Variants in THSD4 observed in about 807,000 individuals in gnomAD.
THSD4 encodes the protein thrombospondin type-1 domain-containing protein 4.
In THSD4, 69 loss-of-function variants were observed where a neutral mutation model predicts 119.0. The ratio of observed to expected loss-of-function variants is 0.58; its 90% CI spans 0.48 to 0.71. THSD4 has a LOEUF of 0.71. Ranked by LOEUF, THSD4 falls within the 30% of genes least tolerant of loss-of-function variation. The pLI, the probability that THSD4 is intolerant of heterozygous loss-of-function variation, is 0.00. For missense variants in THSD4, 1,393 were observed against 1,391.1 expected, an observed-to-expected ratio of 1.00 and a Z score of -0.02; for synonymous variants, 524 against 540.4, an observed-to-expected ratio of 0.97 and a Z score of 0.42.
chr15:71,714,707 G>A (rs770722024), intron 8 of THSD4, among the ~76,000 whole-genome samples: 12 of 151,152 alleles, frequency 7.9e-5, no homozygotes, highest in East Asian at 5.8e-4. Context: ...TTAGCCGAGC[G>A]TGGTGACGCA....
chr15:71,103,147 CTTT>C (rs34279644), intron 1 of THSD4, among the ~76,000 whole-genome samples: 5 of 141,008 alleles, frequency 3.5e-5, no homozygotes, highest in Admixed American at 7.1e-5. Context: ...AAAAAGAAGG[CTTT>C]TTTTTTTTTT....
At chr15:71,191,889 C>T (rs577838370) in intron 3 of THSD4, among the ~76,000 whole-genome samples, 2 of 67,838 alleles carry the variant, frequency 2.9e-5, no homozygotes, top group Non-Finnish European at 4.3e-5. Context: ...TATGCTTTGC[C>T]TTCTTCTTCT....
intron 6 of THSD4, among the ~76,000 whole-genome samples, chr15:71,268,351 TA>T (rs2044486947): frequency 3.9e-5 from 6 of 152,204 alleles, no homozygotes; most frequent in Admixed American, 3.9e-4. Context: ...TTCTCCTGAA[TA>T]ACTACTGGGT....
At chr15:71,689,484 A>G (rs1288872259) in intron 8 of THSD4, among the ~76,000 whole-genome samples, 1 of 152,208 alleles carries the variant, frequency 6.6e-6, no homozygotes, top group East Asian at 1.9e-4. Flanking sequence ...ATCATGTTGT[A>G]TAAAGCTGCC....
At chr15:71,315,434 A>G (rs946451972) in intron 6 of THSD4, among the ~76,000 whole-genome samples, 3 of 152,164 alleles carry the variant, frequency 2.0e-5, no homozygotes, top group African/African-American at 4.8e-5. Flanking sequence ...CAAAGCCTGC[A>G]TGACACTCCG....
chr15:71,654,066 G>A (rs1407998497), intron 7 of THSD4, among the ~76,000 whole-genome samples: 1 of 152,156 alleles, frequency 6.6e-6, no homozygotes, highest in Admixed American at 6.5e-5. Flanking sequence ...TGTTTGTGTT[G>A]CAACTACTTA....
At position 71,632,608 on chromosome 15, in the gene THSD4, T is replaced by G. The variant is rs1415707155; in HGVS notation, c.1153-27922T>G. 2.0e-5 allele frequency among the ~76,000 whole-genome samples: 3 copies of G among 152,268 alleles called. No individual in the cohort carries two copies. In the South Asian group the frequency reaches 6.2e-4, roughly 32 times the overall value. ...CTGTATGTTTTCAAGTCACTCTAAG[T>G]GTTGGTGGAGTGAACTCCCCTAACC... On this transcript the variant is annotated intron_variant, in intron 7 of 17. Coordinates refer to ENST00000261862, the MANE Select transcript of THSD4 (RefSeq NM_024817.3).
chr15:71,299,976 A>ATATAT (rs1555462048), intron 6 of THSD4, among the ~76,000 whole-genome samples: 153 of 48,282 alleles, frequency 3.2e-3, no homozygotes, highest in East Asian at 8.9e-3. Flanking sequence ...AAAAAAAAAA[A>ATATAT]ATATATATAT....
chr15:71,770,694 A>C (rs1188445878), intron 16 of THSD4, among the ~76,000 whole-genome samples: 1 of 152,206 alleles, frequency 6.6e-6, no homozygotes, highest in Non-Finnish European at 1.5e-5. Flanking sequence ...AGATAAGTGG[A>C]AGTAGGAACA....
chr15:71,408,633 C>T (rs761130400), intron 6 of THSD4, among the ~76,000 whole-genome samples: 1 of 152,128 alleles, frequency 6.6e-6, no homozygotes, highest in Non-Finnish European at 1.5e-5. Flanking sequence ...AGAAGGATCA[C>T]TTGAGACCAG....
chr15:71,704,748 A>G (rs2052362031), intron 8 of THSD4, among the ~76,000 whole-genome samples: 1 of 152,216 alleles, frequency 6.6e-6, no homozygotes, highest in Non-Finnish European at 1.5e-5. Flanking sequence ...TACAACCCCT[A>G]GCTACAATGA....
intron 6 of THSD4, among the ~76,000 whole-genome samples, chr15:71,302,482 T>G (rs573752193): frequency 6.6e-6 from 1 of 152,178 alleles, no homozygotes; most frequent in South Asian, 2.1e-4. Flanking sequence ...CGGCCCCATT[T>G]CTGCCTTGAT....
intron 6 of THSD4, among the ~76,000 whole-genome samples, chr15:71,382,124 T>A (rs915162518): frequency 1.3e-5 from 2 of 152,180 alleles, no homozygotes; most frequent in African/African-American, 2.4e-5. Context: ...TACAGAAGTT[T>A]ACATAGTTGT....
At chr15:71,157,780 A>G (rs2040794391) in intron 3 of THSD4, among the ~76,000 whole-genome samples, 1 of 148,152 alleles carries the variant, frequency 6.7e-6, no homozygotes, top group South Asian at 2.1e-4. Flanking sequence ...AATAACCTCC[A>G]GGTCCATCCA....
intron 6 of THSD4, among the ~76,000 whole-genome samples, chr15:71,324,708 G>A (rs550012509): frequency 1.3e-5 from 2 of 152,148 alleles, no homozygotes; most frequent in East Asian, 3.9e-4. Flanking sequence ...CCAATCATTG[G>A]CCTATGGACA....
chr15:71,588,801 G>C (rs149586444), intron 7 of THSD4, among the ~76,000 whole-genome samples: 3 of 152,280 alleles, frequency 2.0e-5, no homozygotes, highest in Non-Finnish European at 2.9e-5. Context: ...GAATACATGT[G>C]GGGGAGATAG....
intron 7 of THSD4, among the ~76,000 whole-genome samples, chr15:71,650,128 G>C (rs1340373308): frequency 6.6e-6 from 1 of 152,174 alleles, no homozygotes; most frequent in Non-Finnish European, 1.5e-5. Flanking sequence ...TCTAGCATGT[G>C]AGCCTAATCC....
intron 6 of THSD4, among the ~76,000 whole-genome samples, chr15:71,327,647 T>G (rs917110264): frequency 6.6e-6 from 1 of 151,578 alleles, no homozygotes; most frequent in Non-Finnish European, 1.5e-5. Flanking sequence ...CCCCACCCAC[T>G]GTGGAAAAAA....
chr15:71,502,038 T>C (rs1474494056), intron 7 of THSD4, among the ~76,000 whole-genome samples: 1 of 152,248 alleles, frequency 6.6e-6, no homozygotes, highest in Non-Finnish European at 1.5e-5. Context: ...CATTGATTGA[T>C]TTTAGAAATA....
Sources: allele counts gnomAD v4.1 joint callset (sites outside exome capture counted in the v4.1 genomes callset), GRCh38; gene constraint gnomAD v4.1.1; transcripts MANE v1.5; gene names NCBI Gene and HGNC (gene_info 2026-07-23, HGNC 2026-07-21).